Variants in MTUS2 observed in about 807,000 individuals in gnomAD.
MTUS2 encodes the protein microtubule-associated tumor suppressor candidate 2.
A neutral mutation model predicts 114.1 loss-of-function variants in MTUS2; 40 were observed. That is an observed-to-expected ratio of 0.35 (90% CI 0.27 to 0.46). The LOEUF is 0.46. Among genes scored for constraint, MTUS2 ranks in the 20% least tolerant of loss-of-function variants. The probability of loss-of-function intolerance (pLI) is 1.00; values close to 1 mark genes in which losing one functional copy is unlikely to be tolerated. For synonymous variants in MTUS2, 688 were observed against 672.0 expected (o/e 1.02, Z -0.37); for missense variants, 1,679 against 1,705.4 (o/e 0.98, Z 0.27).
chr13:29,244,568 A>G (rs1246977577), intron 5 of MTUS2, among the ~76,000 whole-genome samples: 1 of 152,146 alleles, frequency 6.6e-6, no homozygotes, highest in Non-Finnish European at 1.5e-5. Flanking sequence ...ATGGGAGCTC[A>G]TGGTTGGCGC....
At chr13:29,049,052 C>G (rs532999054) in intron 4 of MTUS2, among the ~76,000 whole-genome samples, 1 of 152,200 alleles carries the variant, frequency 6.6e-6, no homozygotes, top group African/African-American at 2.4e-5. Flanking sequence ...ACTGTCTGAC[C>G]CGTTAAGAAA....
chr13:29,002,066 A>G (rs1484998797), intron 2 of MTUS2, among the ~76,000 whole-genome samples: 1 of 152,208 alleles, frequency 6.6e-6, no homozygotes, highest in South Asian at 2.1e-4. Context: ...ACCCATCTTG[A>G]ACTTCTGACC....
At chr13:29,075,264 T>A (rs542090030) in intron 4 of MTUS2, among the ~76,000 whole-genome samples, 1 of 141,146 alleles carries the variant, frequency 7.1e-6, no homozygotes, top group Non-Finnish European at 1.6e-5. Flanking sequence ...CAGGGTTCAC[T>A]ATCCCAGAGC....
intron 2 of MTUS2, among the ~76,000 whole-genome samples, chr13:28,868,583 A>G (rs1004599545): frequency 6.6e-6 from 1 of 152,134 alleles, no homozygotes; most frequent in Non-Finnish European, 1.5e-5. Flanking sequence ...AGATTTTTGG[A>G]TTTCAGGAAC....
chr13:29,107,726 C>A (rs1398935302), intron 5 of MTUS2, among the ~76,000 whole-genome samples: 4 of 152,252 alleles, frequency 2.6e-5, no homozygotes, highest in South Asian at 4.1e-4. Flanking sequence ...GGCTAAAACC[C>A]TACCTTTGAG....
At chr13:29,350,551 C>A (rs750832499) in intron 7 of MTUS2, among the ~76,000 whole-genome samples, 1 of 151,800 alleles carries the variant, frequency 6.6e-6, no homozygotes, top group Non-Finnish European at 1.5e-5. Flanking sequence ...GCCAGGCTCA[C>A]CCAAGATCAT....
At chr13:29,318,066 G>A (rs972540926) in intron 6 of MTUS2, among the ~76,000 whole-genome samples, 6 of 152,176 alleles carry the variant, frequency 3.9e-5, no homozygotes, top group African/African-American at 1.4e-4. Context: ...CCAGGGCAGG[G>A]TCAGCCCCGT....
intron 2 of MTUS2, among the ~76,000 whole-genome samples, chr13:28,946,287 GTGTGT>G (rs1197079661): frequency 6.6e-6 from 1 of 151,762 alleles, no homozygotes; most frequent in Non-Finnish European, 1.5e-5. Context: ...GTGTGTGTGT[GTGTGT>G]GTGTGTGTGT....
chr13:29,024,920 C>T lies in MTUS2; in HGVS notation c.222C>T (p.Phe74=). The T allele has an allele frequency of 6.2e-7, 1 of 1,613,842 alleles. No homozygotes were observed. Among genetic ancestry groups the T allele is most frequent in the Non-Finnish European group, 8.5e-7 (1 of 1,179,828 alleles). The part of the protein sequence containing the change: ...NSSEPENRTH[F]HKEFHQLQGF... ...GTGAGCCAGAAAACCGTACCCATTT[C>T]CATAAGGAATTTCACCAACTTCAGG... is the stretch of plus-strand genomic sequence containing the variant. The change falls in exon 3 of 16, where the codon TTC becomes TTT. Residue 74 remains phenylalanine, a synonymous_variant. Coordinates refer to ENST00000612955, the MANE Select transcript of MTUS2 (RefSeq NM_001033602.4).
At chr13:29,322,855 G>A (rs563873421) in intron 6 of MTUS2, among the ~76,000 whole-genome samples, 1 of 152,324 alleles carries the variant, frequency 6.6e-6, no homozygotes, top group South Asian at 2.1e-4. Flanking sequence ...AGTGACAGCA[G>A]TATGGCTGTG....
intron 2 of MTUS2, among the ~76,000 whole-genome samples, chr13:28,966,620 G>C (rs1196006518): frequency 1.3e-5 from 2 of 150,790 alleles, no homozygotes; most frequent in Non-Finnish European, 2.9e-5. Context: ...AGCTACTTAG[G>C]AGGCTGAGGC....
At chr13:29,478,359 TG>T (rs1880864934) in intron 9 of MTUS2, among the ~76,000 whole-genome samples, 1 of 152,140 alleles carries the variant, frequency 6.6e-6, no homozygotes, top group Admixed American at 6.5e-5. Context: ...GGAATGTACA[TG>T]GGGAGATATG....
At chr13:29,074,451 T>C (rs1889091956) in intron 4 of MTUS2, among the ~76,000 whole-genome samples, 1 of 152,194 alleles carries the variant, frequency 6.6e-6, no homozygotes, top group Admixed American at 6.5e-5. Flanking sequence ...TAGCAGGAAC[T>C]GTGCGTCATT....
chr13:29,387,805 C>G (rs75130007), intron 8 of MTUS2, among the ~76,000 whole-genome samples: 1,760 of 152,274 alleles, frequency 0.012, 37 homozygotes, highest in African/African-American at 0.039. Context: ...AAGCCACTTA[C>G]TGAGACTGGC....
At chr13:28,963,542 T>C (rs1239349152) in intron 2 of MTUS2, among the ~76,000 whole-genome samples, 1 of 152,202 alleles carries the variant, frequency 6.6e-6, no homozygotes, top group Non-Finnish European at 1.5e-5. Flanking sequence ...TGCCTATATA[T>C]AGTGTATCTC....
chr13:28,853,859 A>G (rs115810023), intron 2 of MTUS2, among the ~76,000 whole-genome samples: 169 of 152,354 alleles, frequency 1.1e-3, no homozygotes, highest in African/African-American at 3.8e-3. Flanking sequence ...AAGATCATCA[A>G]GAAGATTATT....
chr13:28,863,465 G>T (rs1038175499), intron 2 of MTUS2, among the ~76,000 whole-genome samples: 1 of 152,136 alleles, frequency 6.6e-6, no homozygotes, highest in Admixed American at 6.5e-5. Context: ...CCGAGGCTGA[G>T]GAATTCTGGC....
chr13:29,389,297 GTATATGTGTA>G (rs1872883443), intron 8 of MTUS2, among the ~76,000 whole-genome samples: 1 of 142,852 alleles, frequency 7.0e-6, no homozygotes, highest in Admixed American at 6.9e-5. Context: ...ACATATGTGT[GTATATGTGTA>G]TATATGTATA....
intron 4 of MTUS2, among the ~76,000 whole-genome samples, chr13:29,039,205 C>CA (rs1887228521): frequency 6.6e-6 from 1 of 152,196 alleles, no homozygotes. Flanking sequence ...GGGCTCGGGG[C>CA]AGCACCCTGG....
Sources: allele counts gnomAD v4.1 joint callset (sites outside exome capture counted in the v4.1 genomes callset), GRCh38; gene constraint gnomAD v4.1.1; transcripts MANE v1.5; gene names NCBI Gene and HGNC (gene_info 2026-07-23, HGNC 2026-07-21).